The following ARHGAP28 variants were observed in gnomAD, a reference collection of about 807,000 sequenced individuals.
ARHGAP28 encodes rho GTPase-activating protein 28.
In ARHGAP28, 56 loss-of-function variants were observed where a neutral mutation model predicts 90.7. The ratio of observed to expected loss-of-function variants is 0.62; its 90% CI spans 0.50 to 0.77. The LOEUF (loss-of-function observed/expected upper bound fraction) is 0.77, where lower values mean the gene tolerates loss of function less well. Among genes scored for constraint, ARHGAP28 ranks in the 30% least tolerant of loss-of-function variants. The probability of loss-of-function intolerance (pLI) is 0.00; values close to 1 mark genes in which losing one functional copy is unlikely to be tolerated. For missense variants in ARHGAP28, 869 were observed against 900.9 expected, an observed-to-expected ratio of 0.96 and a Z score of 0.45; for synonymous variants, 308 against 323.3, an observed-to-expected ratio of 0.95 and a Z score of 0.51.
intron 1 of ARHGAP28, among the ~76,000 whole-genome samples, chr18:6,804,140 G>A (rs888614415): frequency 3.9e-5 from 6 of 152,144 alleles, no homozygotes; most frequent in African/African-American, 1.4e-4. Context: ...GGCTATTCAG[G>A]TTATCTATTT....
intron 4 of ARHGAP28, among the ~76,000 whole-genome samples, chr18:6,855,802 C>T (rs2056948544): frequency 6.6e-6 from 1 of 152,226 alleles, no homozygotes; most frequent in African/African-American, 2.4e-5. Flanking sequence ...CTGGTGCCCA[C>T]AGTGGAAGCC....
chr18:6,912,825 T>A lies in ARHGAP28; in HGVS notation c.*671T>A, dbSNP rs941253235. 2.0e-5 allele frequency: 3 copies of A among 152,262 alleles called. No individual in the cohort carries two copies. The highest frequency in any genetic ancestry group is 7.2e-5 in the African/African-American group (3 of 41,464). 9.4% of individuals were successfully genotyped at this position (152,262 alleles called of 1,614,324 possible). On this transcript the variant is annotated 3_prime_UTR_variant, in exon 18 of 18. Coordinates refer to ENST00000383472, the MANE Select transcript of ARHGAP28 (RefSeq NM_001366230.1). ...ATCGACTGTGGAAAATTGATACTTT[T>A]AAAGCATATTCTTCTATGAGCACAG...
intron 3 of ARHGAP28, among the ~76,000 whole-genome samples, chr18:6,850,219 CT>C (rs1265450173): frequency 6.6e-6 from 1 of 152,092 alleles, no homozygotes; most frequent in East Asian, 1.9e-4. Context: ...CCTCTCAGAT[CT>C]CTCTAAAATT....
At chr18:6,733,663 G>A (rs942859373) in intron 1 of ARHGAP28, among the ~76,000 whole-genome samples, 1 of 152,110 alleles carries the variant, frequency 6.6e-6, no homozygotes, top group African/African-American at 2.4e-5. Context: ...TTTCTTTGGA[G>A]CTAAAAGGCA....
intron 17 of ARHGAP28, among the ~76,000 whole-genome samples, chr18:6,909,944 C>G (rs1362929843): frequency 1.3e-5 from 2 of 152,142 alleles, no homozygotes; most frequent in Admixed American, 6.6e-5. Context: ...TTTCCCTCAC[C>G]TTTATAAAAT....
chr18:6,791,040 A>T (rs2056402711), intron 1 of ARHGAP28: 1 of 152,170 alleles, frequency 6.6e-6, no homozygotes, highest in Non-Finnish European at 1.5e-5. Context: ...TGTATTAGTC[A>T]GGGTTCTCTA....
At chr18:6,750,921 G>C (rs956678939) in intron 1 of ARHGAP28, among the ~76,000 whole-genome samples, 1 of 152,106 alleles carries the variant, frequency 6.6e-6, no homozygotes, top group Non-Finnish European at 1.5e-5. Flanking sequence ...TCTGGGTCTA[G>C]ATTATTTCCT....
chr18:6,814,587 G>C (rs1009884108), intron 1 of ARHGAP28, among the ~76,000 whole-genome samples: 2 of 152,200 alleles, frequency 1.3e-5, no homozygotes, highest in African/African-American at 4.8e-5. Flanking sequence ...ATACATCACA[G>C]CATCAGAGAG....
intron 1 of ARHGAP28, among the ~76,000 whole-genome samples, chr18:6,800,379 A>G (rs926721726): frequency 6.6e-6 from 1 of 152,252 alleles, no homozygotes; most frequent in Non-Finnish European, 1.5e-5. Context: ...AAAGGATTAT[A>G]AATCATTCTA....
intron 1 of ARHGAP28, among the ~76,000 whole-genome samples, chr18:6,809,906 G>A (rs928945562): frequency 6.6e-6 from 1 of 152,018 alleles, no homozygotes; most frequent in East Asian, 1.9e-4. Context: ...AGTATTTTTA[G>A]GTACTCAATA....
chr18:6,739,031 C>T (rs2055952618), intron 1 of ARHGAP28, among the ~76,000 whole-genome samples: 1 of 152,112 alleles, frequency 6.6e-6, no homozygotes, highest in Admixed American at 6.5e-5. Context: ...ACATACATTA[C>T]CCCAGTTATT....
rs1388453041 is a variant in ARHGAP28 at position 6,906,756 on chromosome 18, C to T, written c.2031-2204C>T. Among the ~76,000 whole-genome samples the T allele has an allele frequency of 3.9e-5, 6 of 152,010 alleles. No individual in the cohort carries two copies. The South Asian group carries it at 1.2e-3, about 32-fold the overall frequency. On this transcript the variant is annotated intron_variant, in intron 16 of 17. Transcript: ENST00000383472. ...AGAGCTTGACATAAAAAATGTGACC[C>T]ATAAGAAATAAAATTGATAAATTGA...
intron 3 of ARHGAP28, among the ~76,000 whole-genome samples, chr18:6,841,193 C>T (rs1358700305): frequency 1.3e-4 from 8 of 61,310 alleles, no homozygotes; most frequent in Admixed American, 3.2e-4. Flanking sequence ...CTCTCTCTCT[C>T]TCTCTCTCTC....
At chr18:6,888,029 T>C (rs2057235846) in intron 12 of ARHGAP28, among the ~76,000 whole-genome samples, 1 of 152,242 alleles carries the variant, frequency 6.6e-6, no homozygotes, top group South Asian at 2.1e-4. Flanking sequence ...TTTTTAAATT[T>C]GTGAAAATAA....
intron 1 of ARHGAP28, among the ~76,000 whole-genome samples, chr18:6,815,010 G>A (rs2056580822): frequency 6.6e-6 from 1 of 152,242 alleles, no homozygotes; most frequent in East Asian, 1.9e-4. Context: ...GAGCCCCTGA[G>A]CAATGATTAG....
intron 1 of ARHGAP28, among the ~76,000 whole-genome samples, chr18:6,762,557 G>A (rs2056170227): frequency 6.6e-6 from 1 of 152,068 alleles, no homozygotes; most frequent in African/African-American, 2.4e-5. Flanking sequence ...GAAATGAACT[G>A]TGTGCCCCCA....
chr18:6,757,494 A>G (rs1834773850), intron 1 of ARHGAP28, among the ~76,000 whole-genome samples: 1 of 152,238 alleles, frequency 6.6e-6, no homozygotes, highest in South Asian at 2.1e-4. Flanking sequence ...GATTAATACA[A>G]AGCCAGGATT....
chr18:6,845,425 C>T (rs1258807829), intron 3 of ARHGAP28, among the ~76,000 whole-genome samples: 1 of 152,002 alleles, frequency 6.6e-6, no homozygotes, highest in Admixed American at 6.6e-5. Context: ...TTTTCTTCAG[C>T]TTTTATTTTA....
intron 1 of ARHGAP28, among the ~76,000 whole-genome samples, chr18:6,813,094 A>G (rs1429892366): frequency 6.6e-6 from 1 of 152,208 alleles, no homozygotes; most frequent in Non-Finnish European, 1.5e-5. Context: ...AGAATTTATC[A>G]TATTTTAACT....
Sources: allele counts gnomAD v4.1 joint callset (sites outside exome capture counted in the v4.1 genomes callset), GRCh38; gene constraint gnomAD v4.1.1; transcripts MANE v1.5; gene names NCBI Gene and HGNC (gene_info 2026-07-23, HGNC 2026-07-21).